The following ATL2 variants were observed in gnomAD, a reference collection of about 807,000 sequenced individuals.
The protein encoded by ATL2 is atlastin-2.
In ATL2, 31 loss-of-function variants were observed where a neutral mutation model predicts 73.9. The ratio of observed to expected loss-of-function variants is 0.42; its 90% CI spans 0.32 to 0.57. ATL2 has a LOEUF of 0.57. Ranked by LOEUF, ATL2 falls within the 20% of genes least tolerant of loss-of-function variation. The pLI is 0.14. For missense variants in ATL2, 738 were observed against 702.6 expected, an observed-to-expected ratio of 1.05 and a Z score of -0.57; for synonymous variants, 291 against 237.5, an observed-to-expected ratio of 1.23 and a Z score of -2.07.
At chr2:38,334,650 A>G (rs980148030) in intron 2 of ATL2, among the ~76,000 whole-genome samples, 8 of 151,296 alleles carry the variant, frequency 5.3e-5, no homozygotes, top group Admixed American at 1.3e-4. Flanking sequence ...GTGAGCCAAG[A>G]TCGCGCCATT....
intron 1 of ATL2, chr2:38,358,539 AAAGT>A (rs1490284081): frequency 3.0e-6 from 1 of 331,864 alleles, no homozygotes; most frequent in African/African-American, 2.2e-5. Flanking sequence ...AAATACAAAA[AAAGT>A]AAGCCGGACA....
chr2:38,338,592 T>TA (rs1669513631), intron 2 of ATL2, among the ~76,000 whole-genome samples: 1 of 152,168 alleles, frequency 6.6e-6, no homozygotes. Flanking sequence ...AGAAGAATCC[T>TA]AAATAATATA....
chr2:38,376,781 G>T (rs779484037), intron 1 of ATL2, among the ~76,000 whole-genome samples: 1 of 151,694 alleles, frequency 6.6e-6, no homozygotes, highest in Non-Finnish European at 1.5e-5. Flanking sequence ...AGCCGCAGCC[G>T]ACCTCCCCGC....
In ATL2 at chr2:38,304,115, A is replaced by C. The variant is rs34538117; in HGVS notation, c.1072-3787T>G. ...CCCATTTCTATTAAACCACCACCAC[A>C]ACAACAACAAGAAGCACGAATGGAT... is the stretch of plus-strand genomic sequence containing the variant. On this transcript the variant is annotated intron_variant, in intron 9 of 12. Transcript: ENST00000378954. Among the ~76,000 whole-genome samples the C allele has an allele frequency of 6.3e-3, 952 of 152,220 alleles. 2 individuals carry two copies. Among genetic ancestry groups the C allele is most frequent in the Non-Finnish European group, 9.3e-3 (635 of 68,014 alleles).
At chr2:38,313,461 T>C (rs927117335) in intron 6 of ATL2, among the ~76,000 whole-genome samples, 29 of 152,048 alleles carry the variant, frequency 1.9e-4, no homozygotes, top group African/African-American at 6.0e-4. Context: ...CTGAAGAACT[T>C]CACTAAATAT....
intron 2 of ATL2, among the ~76,000 whole-genome samples, chr2:38,328,902 A>G (rs1033258235): frequency 1.3e-5 from 2 of 149,364 alleles, no homozygotes; most frequent in African/African-American, 2.6e-5. Context: ...GATCCTTCAA[A>G]AAGATCAATA....
intron 1 of ATL2, among the ~76,000 whole-genome samples, chr2:38,347,681 C>CA (rs1374032069): frequency 1.3e-5 from 2 of 151,988 alleles, no homozygotes; most frequent in Non-Finnish European, 2.9e-5. Context: ...CAGTGCCTGA[C>CA]ACCTAGCCTA....
At chr2:38,307,862 A>G (rs1667536183) in intron 9 of ATL2, among the ~76,000 whole-genome samples, 1 of 152,216 alleles carries the variant, frequency 6.6e-6, no homozygotes, top group Non-Finnish European at 1.5e-5. Context: ...ATATGAAAAC[A>G]TCACTGATCA....
intron 1 of ATL2, among the ~76,000 whole-genome samples, chr2:38,372,004 T>C (rs1671716878): frequency 6.6e-6 from 1 of 152,150 alleles, no homozygotes; most frequent in Admixed American, 6.6e-5. Context: ...GAACTCAAGT[T>C]AAAATGTTAA....
At chr2:38,376,019 T>C (rs1671938574) in intron 1 of ATL2, 2 of 1,324,216 alleles carry the variant, frequency 1.5e-6, no homozygotes, top group Admixed American at 3.0e-5. Context: ...CTTTACATTT[T>C]ATCCAGCAAA....
chr2:38,360,037 C>T (rs1573572911), intron 1 of ATL2, among the ~76,000 whole-genome samples: 1 of 145,306 alleles, frequency 6.9e-6, no homozygotes, highest in African/African-American at 2.6e-5. Flanking sequence ...GGCTGAGACA[C>T]GAGAATCACT....
intron 1 of ATL2, among the ~76,000 whole-genome samples, chr2:38,367,890 C>A (rs1220308876): frequency 1.3e-5 from 2 of 151,436 alleles, no homozygotes; most frequent in Non-Finnish European, 2.9e-5. Flanking sequence ...ACCTTGGCCT[C>A]CTAAAGTGCT....
rs879097426 is a variant in ATL2, at chr2:38,295,002, C to CGGGG, written c.*988_*991dup. The CGGGG allele has an allele frequency of 2.1e-4, 6 of 29,244 alleles. No individual in the cohort carries two copies. The highest frequency in any genetic ancestry group is 1.3e-3 in the African/African-American group (6 of 4,538). The allele number at this position is 29,244 out of a possible 1,614,324, so 1.8% of individuals were successfully genotyped here. On this transcript the variant is annotated 3_prime_UTR_variant, in exon 13 of 13. Coordinates refer to ENST00000378954, the MANE Select transcript of ATL2 (RefSeq NM_001135673.4). ...ATTCCCATTGAATTCCCTTGGTGGG[C>CGGGG]GGGGGGGGGGTGAGATTGCAGTGCT...
At position 38,296,088 on chromosome 2, in the gene ATL2, A is replaced by G; in HGVS notation, c.1658T>C (p.Leu553Ser). The G allele has an allele frequency of 6.4e-7, 1 of 1,551,448 alleles. No homozygotes were observed. The highest frequency in any genetic ancestry group is 1.7e-4 in the Middle Eastern group (1 of 5,992). ...AGACTGCCTTATGTTTTCCTCCATCAAATTATCACCCAGGGGCTTCAATAC... is the reference window on the plus strand; with the variant it reads ...AGACTGCCTTATGTTTTCCTCCATCGAATTATCACCCAGGGGCTTCAATAC... ...EQVLKPLGDN[L>S]MEENIRQSVT... The change falls in exon 13 of 13, where the codon TTG becomes TCG. Residue 553 changes from leucine (L) to serine (S), a missense_variant. Transcript: ENST00000378954.
chr2:38,296,605 G>A, intron 12 of ATL2: 1 of 1,612,796 alleles, frequency 6.2e-7, no homozygotes, highest in South Asian at 1.1e-5. Flanking sequence ...AACATGAAGT[G>A]ATTTGTTAGG....
chr2:38,333,242 T>A (rs368597788), intron 2 of ATL2, among the ~76,000 whole-genome samples: 1 of 151,738 alleles, frequency 6.6e-6, no homozygotes. Flanking sequence ...TGAGCTGTGA[T>A]TGTGCCTCTT....
chr2:38,328,443 A>G (rs1668791820), intron 2 of ATL2, among the ~76,000 whole-genome samples: 1 of 152,218 alleles, frequency 6.6e-6, no homozygotes, highest in Non-Finnish European at 1.5e-5. Flanking sequence ...TACACCTTTA[A>G]AAATTTTAAG....
chr2:38,351,657 C>T (rs896602197), intron 1 of ATL2, among the ~76,000 whole-genome samples: 1 of 151,980 alleles, frequency 6.6e-6, no homozygotes, highest in African/African-American at 2.4e-5. Flanking sequence ...CCACGCCTGG[C>T]TAATTCTTTT....
rs576275911 is a variant in ATL2, at chr2:38,298,250, C to G, written c.1526G>C (p.Gly509Ala). Residue 509 changes from glycine to alanine, a missense_variant, in exon 12 of 13, where the codon GGG (glycine) becomes GCG (alanine). By Grantham distance (60) the Gly-to-Ala change is moderately conservative (BLOSUM62 0). Coordinates refer to ENST00000378954, the MANE Select transcript of ATL2 (RefSeq NM_001135673.4). The part of the protein sequence containing the change: ...SIAVLCNLVM[G>A]LALIFLCTWA... ...AGTACAAAGAAATATCAGTGCTAAC[C>G]CCATGACAAGGTTACACAAGACAGC... 4.5e-5 allele frequency: 73 copies of G among 1,614,070 alleles called. 1 individual carries two copies. The South Asian group carries it at 7.2e-4, about 16-fold the overall frequency.
Sources: gnomAD v4.1 joint callset for allele counts (sites outside exome capture counted in the v4.1 genomes callset) on GRCh38, gnomAD v4.1.1 for gene constraint, MANE v1.5 for transcripts, NCBI Gene and HGNC (gene_info 2026-07-23, HGNC 2026-07-21) for gene names.